The following RAB44 variants were observed in gnomAD, a reference collection of about 807,000 sequenced individuals.
The protein encoded by RAB44 is ras-related protein Rab-44.
In RAB44, 67 loss-of-function variants were observed where a neutral mutation model predicts 93.3. The ratio of observed to expected loss-of-function variants is 0.72; its 90% confidence interval spans 0.59 to 0.88. The LOEUF (loss-of-function observed/expected upper bound fraction) is 0.88, where lower values mean the gene tolerates loss of function less well. Among genes scored for constraint, RAB44 ranks in the 40% least tolerant of loss-of-function variants. The pLI is 0.00. For missense variants in RAB44, 1,064 were observed against 1,261.7 expected (o/e 0.84, Z 2.37); for synonymous variants, 427 against 520.3 (o/e 0.82, Z 2.44).
At chr6:36,726,042 GC>G (rs1165921822) in intron 10 of RAB44, 99 bp downstream of exon 10, 5 of 902,154 alleles carry the variant, frequency 5.5e-6, no homozygotes, top group Admixed American at 2.0e-5. Flanking sequence ...GGAGGCAACT[GC>G]CCCCCAAGGA....
intron 2 of RAB44, among the ~76,000 whole-genome samples, chr6:36,711,369 T>C (rs893992141): frequency 6.6e-6 from 1 of 152,208 alleles, no homozygotes; most frequent in Non-Finnish European, 1.5e-5. Context: ...AAAACAAATA[T>C]AGATCTTATG....
At chr6:36,726,520 G>A (rs1458808985) in intron 10 of RAB44, among the ~76,000 whole-genome samples, 1 of 152,154 alleles carries the variant, frequency 6.6e-6, no homozygotes, top group Admixed American at 6.5e-5. Flanking sequence ...TGGGATTACA[G>A]GCATGAGCCA....
intron 2 of RAB44, among the ~76,000 whole-genome samples, chr6:36,705,110 C>CA (rs759512832): frequency 0.17 from 14,821 of 85,222 alleles, 1,210 homozygotes; most frequent in African/African-American, 0.31. Flanking sequence ...GACTCCATCT[C>CA]AAAAAAAAAA....
Position 36,704,344 on chromosome 6 carries a change from C to A in RAB44, c.109C>A (p.Pro37Thr). ...TGAAGGCGCTGCAGTGGCCCCAGAGCCAGAGTCTTGGTCCTCTCAGGCAGC... is the reference window on the plus strand; with the variant it reads ...TGAAGGCGCTGCAGTGGCCCCAGAGACAGAGTCTTGGTCCTCTCAGGCAGC... Reference protein sequence around the residue: ...DGEGAAVAPEPESWSSQAAAE... With the variant: ...DGEGAAVAPETESWSSQAAAE... Residue 37 changes from proline (P) to threonine (T), a missense_variant, in exon 2 of 14, where the codon CCA becomes ACA. Pro to Thr is a conservative substitution (Grantham distance 38). Transcript: ENST00000612677. 1 of 1,536,160 alleles carries A rather than the reference C, an allele frequency of 6.5e-7. No homozygotes were observed. The highest frequency in any genetic ancestry group is 8.7e-7 in the Non-Finnish European group (1 of 1,146,916).
chr6:36,704,890 C>T (rs964189214), intron 2 of RAB44, among the ~76,000 whole-genome samples: 6 of 152,008 alleles, frequency 3.9e-5, no homozygotes, highest in Non-Finnish European at 7.4e-5. Context: ...GAGGCCGAGG[C>T]GGGCGGATCA....
intron 2 of RAB44, among the ~76,000 whole-genome samples, chr6:36,713,153 T>C (rs1052773083): frequency 1.5e-4 from 23 of 152,376 alleles, no homozygotes; most frequent in African/African-American, 5.3e-4. Context: ...TAGGCCATGA[T>C]ATATAAAATG....
intron 4 of RAB44, 127 bp downstream of exon 4, chr6:36,715,780 C>T: frequency 2.2e-6 from 2 of 916,186 alleles, no homozygotes; most frequent in Non-Finnish European, 3.2e-6. Flanking sequence ...TCTGGCTTGG[C>T]CATTGGCTAG....
chr6:36,725,576 T>C (rs1042806021), intron 9 of RAB44, among the ~76,000 whole-genome samples: 2 of 152,206 alleles, frequency 1.3e-5, no homozygotes, highest in African/African-American at 2.4e-5. Context: ...CAAAGAGTAC[T>C]GTAAAAATAA....
chr6:36,729,470 T>C (rs1331981402), intron 12 of RAB44, among the ~76,000 whole-genome samples: 1 of 149,058 alleles, frequency 6.7e-6, no homozygotes, highest in Non-Finnish European at 1.5e-5. Context: ...AGGGAATTTT[T>C]TTTCTTTCTT....
chr6:36,726,045 C>A, intron 10 of RAB44, 102 bp downstream of exon 10: 2 of 880,570 alleles, frequency 2.3e-6, no homozygotes, highest in Non-Finnish European at 1.8e-6. Flanking sequence ...GGCAACTGCC[C>A]CCCAAGGATT....
chr6:36,720,018 C>A (rs1238173138), intron 7 of RAB44, among the ~76,000 whole-genome samples: 1 of 152,198 alleles, frequency 6.6e-6, no homozygotes, highest in Non-Finnish European at 1.5e-5. Flanking sequence ...TCAGGAGCCC[C>A]CTGTAGACCA....
Position 36,721,266 on chromosome 6 carries a change from G to T in RAB44, c.1132G>T (p.Gly378Cys). ...CTGGGACCAGCTACTGAGCAACTTT[G>T]GCAGCCCTCCGCACGGAGCCCTGCA... is the stretch of plus-strand genomic sequence containing the variant. ...DDWDQLLSNFGSPPHGALQLC... is the reference protein window; with the variant it reads ...DDWDQLLSNFCSPPHGALQLC... The change falls in exon 9 of 14, where the codon GGC becomes TGC. Residue 378 changes from glycine to cysteine, a missense_variant. Transcript: ENST00000612677. The T allele has an allele frequency of 2.4e-6, 3 of 1,234,254 alleles. No homozygotes were observed. The highest frequency in any genetic ancestry group is 3.0e-6 in the Non-Finnish European group (3 of 988,204). The allele number at this position is 1,234,254 out of a possible 1,614,324, so 76.5% of individuals were successfully genotyped here.
At position 36,717,161 on chromosome 6, in the gene RAB44, T is replaced by C; in HGVS notation, c.495-112T>C. 2.8e-6 allele frequency: 3 copies of C among 1,061,662 alleles called. No homozygotes were observed. Among genetic ancestry groups the C allele is most frequent in the Non-Finnish European group, 3.6e-6 (3 of 833,366 alleles). The allele number at this position is 1,061,662 out of a possible 1,614,324, so 65.8% of individuals were successfully genotyped here. A position where few individuals can be genotyped will look rare whatever the true frequency, so the allele number is the denominator to read the frequency against. The stretch of plus-strand genomic sequence containing the variant: ...AGGGTGTCAATAGATTTGGCCCAGG[T>C]GCCAAAGTCTCTTGGAGCGCTGCAG... On this transcript the variant is annotated intron_variant, in intron 4 of 13. Transcript: ENST00000612677. This position sits in a 1 kb window ranked among gnomAD's most constrained non-coding sequence, Gnocchi z 4.1.
chr6:36,728,431 C>T (rs1488358570), intron 11 of RAB44, among the ~76,000 whole-genome samples: 3 of 152,132 alleles, frequency 2.0e-5, no homozygotes, highest in East Asian at 1.9e-4. Flanking sequence ...CTGGACTGTT[C>T]AGAACAGGCA....
At chr6:36,716,091 T>C (rs1762913580) in intron 4 of RAB44, among the ~76,000 whole-genome samples, 1 of 152,186 alleles carries the variant, frequency 6.6e-6, no homozygotes, top group Non-Finnish European at 1.5e-5. Flanking sequence ...TTTTGTGCCC[T>C]GGGTTGAACG....
chr6:36,717,273 G>A lies in RAB44; in HGVS notation c.495G>A (p.Lys165=), dbSNP rs752156129. ...TCTCTGGCTGTCTTCCCCTCCCCAG[G>A]CAGATGGAAATCTGGCAACTGTGGG... ...EQLGTGHLLP[K]QMEIWQLWGQ... is the part of the protein sequence containing the mutation. The change falls in exon 5 of 14, where the codon AAG becomes AAA. Residue 165 remains lysine, a splice_region_variant and synonymous_variant. Transcript: ENST00000612677. This position sits in a 1 kb window ranked among gnomAD's most constrained non-coding sequence, Gnocchi z 4.1. The A allele has an allele frequency of 3.0e-4, 364 of 1,232,150 alleles. No individual in the cohort carries two copies. Among genetic ancestry groups the A allele is most frequent in the Non-Finnish European group, 3.4e-4 (340 of 987,964 alleles). The allele number at this position is 1,232,150 out of a possible 1,614,324, so 76.3% of individuals were successfully genotyped here. A position where few individuals can be genotyped will look rare whatever the true frequency, so the allele number is the denominator to read the frequency against.
intron 3 of RAB44, 96 bp downstream of exon 3, chr6:36,714,035 T>C: frequency 1.3e-6 from 1 of 767,094 alleles, no homozygotes; most frequent in Non-Finnish European, 2.2e-6. Context: ...GCAACCCTTT[T>C]CCCAGGGACT....
intron 2 of RAB44, among the ~76,000 whole-genome samples, chr6:36,706,217 A>G (rs1582613184): frequency 7.5e-6 from 1 of 133,352 alleles, no homozygotes; most frequent in East Asian, 2.1e-4. Flanking sequence ...ACTTTTAAAA[A>G]TCTGTAGTTT....
chr6:36,722,928 TG>T (rs1290075572), intron 9 of RAB44, among the ~76,000 whole-genome samples, 195 bp downstream of exon 9: 2 of 152,258 alleles, frequency 1.3e-5, no homozygotes, highest in East Asian at 3.8e-4. Context: ...ACAGGTAATT[TG>T]TTTTTTCTGC....
Sources: allele counts gnomAD v4.1 joint callset (sites outside exome capture counted in the v4.1 genomes callset), GRCh38; gene constraint gnomAD v4.1.1; non-coding constraint Gnocchi (gnomAD v3.1); transcripts MANE v1.5; gene names NCBI Gene and HGNC (gene_info 2026-07-23, HGNC 2026-07-21).